LHPP: variants seen among roughly 807,000 people sequenced by gnomAD.
LHPP encodes the protein hLHPP.
LHPP carries 24 observed loss-of-function variants against 30.3 expected under a neutral mutation model. The ratio of observed to expected loss-of-function variants is 0.79; its 90% CI spans 0.57 to 1.11. The LOEUF (loss-of-function observed/expected upper bound fraction) is 1.11, where lower values mean the gene tolerates loss of function less well. Among genes scored for constraint, LHPP ranks in the 50% most tolerant of loss-of-function variants. The pLI, the probability that LHPP is intolerant of heterozygous loss-of-function variation, is 0.00. For synonymous variants in LHPP, 150 were observed against 157.1 expected, an observed-to-expected ratio of 0.95 and a Z score of 0.34; for missense variants, 356 against 367.2, an observed-to-expected ratio of 0.97 and a Z score of 0.25.
At chr10:124,604,619 T>A (rs1260236855) in intron 6 of LHPP, among the ~76,000 whole-genome samples, 1 of 152,094 alleles carries the variant, frequency 6.6e-6, no homozygotes, top group Admixed American at 6.5e-5. Context: ...CTCCTGGGGT[T>A]CTGATGGAAG....
At chr10:124,595,981 G>A (rs771605047) in intron 6 of LHPP, among the ~76,000 whole-genome samples, 8 of 152,170 alleles carry the variant, frequency 5.3e-5, no homozygotes, top group East Asian at 3.9e-4. Context: ...GAGCTAGCCC[G>A]TGCCTTCACC....
chr10:124,573,253 G>T (rs1299792964), intron 6 of LHPP, among the ~76,000 whole-genome samples: 2 of 152,148 alleles, frequency 1.3e-5, no homozygotes, highest in Non-Finnish European at 2.9e-5. Flanking sequence ...CACATCTGTG[G>T]TACATTTGTT....
chr10:124,561,117 A>G (rs1010862479), intron 6 of LHPP, among the ~76,000 whole-genome samples: 1 of 152,196 alleles, frequency 6.6e-6, no homozygotes, highest in Non-Finnish European at 1.5e-5. Context: ...GAAGCCAGCA[A>G]GAGCCTCTGC....
At chr10:124,463,449 G>C in intron 1 of LHPP, among the ~76,000 whole-genome samples, 1 of 151,238 alleles carries the variant, frequency 6.6e-6, no homozygotes, top group East Asian at 2.0e-4. Flanking sequence ...TGCAACCTCT[G>C]CCTCCCAGGT....
chr10:124,524,032 C>A (rs531733310), intron 6 of LHPP, among the ~76,000 whole-genome samples: 4 of 152,296 alleles, frequency 2.6e-5, no homozygotes, highest in African/African-American at 4.8e-5. Context: ...TAAGCCTGTA[C>A]ACTTTTTTCT....
intron 6 of LHPP, among the ~76,000 whole-genome samples, chr10:124,558,543 G>A (rs1948340663): frequency 6.6e-6 from 1 of 152,214 alleles, no homozygotes; most frequent in African/African-American, 2.4e-5. Flanking sequence ...TGGTTCAGAA[G>A]CCAGAAGGCT....
intron 1 of LHPP, among the ~76,000 whole-genome samples, chr10:124,475,770 CG>C (rs1952925222): frequency 6.6e-6 from 1 of 152,050 alleles, no homozygotes; most frequent in East Asian, 1.9e-4. Context: ...TCAGGGACGT[CG>C]GGCTGCTGCT....
At chr10:124,484,025 G>A (rs1273933210) in intron 1 of LHPP, 114 bp from the exon 2 acceptor site, 4 of 961,096 alleles carry the variant, frequency 4.2e-6, no homozygotes, top group Non-Finnish European at 6.3e-6. Flanking sequence ...GCTCGCAGTG[G>A]CCTAGTCTGC....
chr10:124,551,626 C>T (rs868767996), intron 6 of LHPP, among the ~76,000 whole-genome samples: 1 of 152,160 alleles, frequency 6.6e-6, no homozygotes, highest in Non-Finnish European at 1.5e-5. Context: ...CCCCACCATG[C>T]GGAGGGGCCA....
At chr10:124,575,581 G>T (rs1040816806) in intron 6 of LHPP, among the ~76,000 whole-genome samples, 1 of 152,112 alleles carries the variant, frequency 6.6e-6, no homozygotes, top group Non-Finnish European at 1.5e-5. Flanking sequence ...GAGCTACAGG[G>T]TTTCTTGACT....
intron 6 of LHPP, among the ~76,000 whole-genome samples, chr10:124,518,734 G>A (rs906696875): frequency 6.6e-6 from 1 of 152,204 alleles, no homozygotes; most frequent in East Asian, 1.9e-4. Flanking sequence ...CCCAGGCCAG[G>A]TGCCCCTATA....
intron 1 of LHPP, among the ~76,000 whole-genome samples, chr10:124,472,253 G>C (rs765450711): frequency 2.6e-4 from 39 of 152,142 alleles, no homozygotes; most frequent in Non-Finnish European, 5.0e-4. Flanking sequence ...GCAGAGGCTG[G>C]GGTGAGCCAA....
intron 5 of LHPP, among the ~76,000 whole-genome samples, chr10:124,515,440 C>T (rs1435877542): frequency 6.6e-6 from 1 of 152,190 alleles, no homozygotes; most frequent in East Asian, 1.9e-4. Flanking sequence ...TCATTCTCAC[C>T]TCTCTGTCAG....
chr10:124,609,387 C>T (rs1021498043), intron 6 of LHPP, among the ~76,000 whole-genome samples: 6 of 152,100 alleles, frequency 3.9e-5, no homozygotes, highest in Non-Finnish European at 7.4e-5. Context: ...GGACTACAGG[C>T]GCCTGCCACT....
At chr10:124,553,050 C>T (rs1456099046) in intron 6 of LHPP, among the ~76,000 whole-genome samples, 2 of 152,238 alleles carry the variant, frequency 1.3e-5, no homozygotes, top group Non-Finnish European at 2.9e-5. Context: ...GGCCTCCTAG[C>T]GTGTCTTTAT....
chr10:124,513,357 G>C (rs12569933), intron 5 of LHPP, among the ~76,000 whole-genome samples: 18,657 of 151,594 alleles, frequency 0.12, 1,495 homozygotes, highest in South Asian at 0.31. Flanking sequence ...ACTGCGCCCA[G>C]CTTTTAATCA....
At chr10:124,552,512 G>A (rs770077698) in intron 6 of LHPP, among the ~76,000 whole-genome samples, 1 of 152,230 alleles carries the variant, frequency 6.6e-6, no homozygotes, top group Non-Finnish European at 1.5e-5. Context: ...CCTGGAGGGA[G>A]AGCAGTGAGG....
intron 6 of LHPP, among the ~76,000 whole-genome samples, chr10:124,582,669 A>G (rs1462055388): frequency 2.0e-5 from 3 of 152,172 alleles, no homozygotes; most frequent in African/African-American, 4.8e-5. Flanking sequence ...ATTACACCCT[A>G]TATTCTTACA....
intron 6 of LHPP, among the ~76,000 whole-genome samples, chr10:124,572,119 C>T (rs1554894046): frequency 6.6e-6 from 1 of 152,196 alleles, no homozygotes; most frequent in Non-Finnish European, 1.5e-5. Context: ...CTGCCGAAGG[C>T]TTTGCTTCTC....
Sources: gnomAD v4.1 joint callset for allele counts (sites outside exome capture counted in the v4.1 genomes callset) on GRCh38, gnomAD v4.1.1 for gene constraint, MANE v1.5 for transcripts, NCBI Gene and HGNC (gene_info 2026-07-23, HGNC 2026-07-21) for gene names.